ST6GAL1: variants seen among roughly 807,000 people sequenced by gnomAD.
ST6GAL1 encodes the protein ST6 beta-galactoside alpha-2,6-sialyltransferase 1.
ST6GAL1 carries 20 observed loss-of-function variants against 38.0 expected under a neutral mutation model. The observed-to-expected ratio is 0.53, with a 90% CI of 0.37 to 0.77. ST6GAL1 has a LOEUF of 0.77. Ranked by LOEUF, ST6GAL1 falls within the 30% of genes least tolerant of loss-of-function variation. The pLI is 0.00. For missense variants in ST6GAL1, 432 were observed against 496.4 expected (o/e 0.87, Z 1.23); for synonymous variants, 196 against 188.2 (o/e 1.04, Z -0.34).
intron 2 of ST6GAL1, among the ~76,000 whole-genome samples, chr3:187,017,792 C>T (rs1328047644): frequency 1.3e-5 from 2 of 152,166 alleles, no homozygotes; most frequent in African/African-American, 2.4e-5. Context: ...TTGGAAAGAA[C>T]GGCCGCCTGG....
chr3:186,987,435 G>A (rs2108542720), intron 2 of ST6GAL1, among the ~76,000 whole-genome samples: 1 of 152,298 alleles, frequency 6.6e-6, no homozygotes, highest in East Asian at 1.9e-4. Context: ...ACAAGCCTTT[G>A]GGGGAGAAAA....
At chr3:187,047,495 AT>A (rs1718340222) in intron 4 of ST6GAL1, among the ~76,000 whole-genome samples, 1 of 152,076 alleles carries the variant, frequency 6.6e-6, no homozygotes, top group Non-Finnish European at 1.5e-5. Context: ...ATTCTGTTGA[AT>A]TTTCTAAGCG....
At chr3:186,971,390 G>GC (rs888577765) in intron 2 of ST6GAL1, among the ~76,000 whole-genome samples, 10 of 152,294 alleles carry the variant, frequency 6.6e-5, no homozygotes, top group East Asian at 1.9e-4. Flanking sequence ...GAGCCACTGT[G>GC]CCCCCCCAAC....
chr3:187,017,453 C>T (rs1717153243), intron 2 of ST6GAL1, among the ~76,000 whole-genome samples: 1 of 150,560 alleles, frequency 6.6e-6, no homozygotes, highest in Non-Finnish European at 1.5e-5. Flanking sequence ...TCACCTACAC[C>T]ACTCACCTTC....
intron 2 of ST6GAL1, among the ~76,000 whole-genome samples, chr3:187,022,337 G>C (rs563944722): frequency 1.3e-5 from 2 of 152,056 alleles, no homozygotes; most frequent in African/African-American, 4.8e-5. Context: ...GCTACAGAGA[G>C]TTTTCCCTAC....
At chr3:186,948,845 C>A (rs1228291034) in intron 1 of ST6GAL1, 1 of 152,584 alleles carries the variant, frequency 6.6e-6, no homozygotes, top group East Asian at 1.9e-4. Context: ...TGACTGGTTT[C>A]TCTGCACAGC....
chr3:186,984,803 CCAT>C (rs1560151114), intron 2 of ST6GAL1, among the ~76,000 whole-genome samples: 1 of 35,580 alleles, frequency 2.8e-5, no homozygotes, highest in Non-Finnish European at 5.6e-5. Context: ...TTCCTTCCTT[CCAT>C]CCTTCCTTCC....
intron 1 of ST6GAL1, chr3:186,931,062 T>G (rs1713727336): frequency 6.6e-6 from 1 of 152,260 alleles, no homozygotes; most frequent in South Asian, 2.1e-4. Context: ...GGCTTCTCTC[T>G]GGCTCCGCGA....
chr3:187,055,346 A>G (rs1035981928), intron 5 of ST6GAL1, among the ~76,000 whole-genome samples: 14 of 151,460 alleles, frequency 9.2e-5, no homozygotes, highest in Admixed American at 2.6e-4. Flanking sequence ...GCCTTCTGCT[A>G]GCTTTTGAAT....
At chr3:186,969,023 T>C (rs889191818) in intron 2 of ST6GAL1, among the ~76,000 whole-genome samples, 2 of 150,490 alleles carry the variant, frequency 1.3e-5, no homozygotes, top group Non-Finnish European at 2.9e-5. Context: ...TATCTTTTTC[T>C]TTTTCTTTTT....
At position 186,958,952 on chromosome 3, in the gene ST6GAL1, CAA is replaced by C. The variant is rs58963193; in HGVS notation, c.-324-4819_-324-4818del. 7.2e-3 allele frequency among the ~76,000 whole-genome samples: 802 copies of C among 112,068 alleles called. 4 individuals carry two copies. Among genetic ancestry groups the C allele is most frequent in the Admixed American group, 0.011 (116 of 10,716 alleles). 73.5% of individuals were successfully genotyped at this position (112,068 alleles called of 152,430 possible). On this transcript the variant is annotated intron_variant, in intron 1 of 7. Coordinates refer to ENST00000169298, the MANE Select transcript of ST6GAL1 (RefSeq NM_173216.2). Reference sequence around the variant, plus strand: ...AGGGTGACAGAGCGAGACTCCATCTCAAAAAAAAAAAAAAATTAAATAAATAA... The same window carrying C: ...AGGGTGACAGAGCGAGACTCCATCTCAAAAAAAAAAAAATTAAATAAATAA...
intron 5 of ST6GAL1, among the ~76,000 whole-genome samples, chr3:187,057,835 G>C (rs1449578715): frequency 6.6e-6 from 1 of 152,218 alleles, no homozygotes; most frequent in Non-Finnish European, 1.5e-5. Context: ...AGAGCTGTCA[G>C]ACAGGGACGT....
At chr3:186,986,125 G>T in intron 2 of ST6GAL1, among the ~76,000 whole-genome samples, 1 of 152,194 alleles carries the variant, frequency 6.6e-6, no homozygotes, top group Non-Finnish European at 1.5e-5. Context: ...AAGAGACCCC[G>T]CCATAAGGAA....
At chr3:186,960,143 C>T (rs140538799) in intron 1 of ST6GAL1, among the ~76,000 whole-genome samples, 51 of 152,348 alleles carry the variant, frequency 3.3e-4, no homozygotes, top group African/African-American at 1.2e-3. Context: ...TGGTGCCTCA[C>T]ACATGGTACA....
In ST6GAL1 at chr3:187,075,792, A is replaced by G; in HGVS notation, c.1210A>G (p.Ile404Val). 1 of 1,614,194 alleles carries G rather than the reference A, an allele frequency of 6.2e-7. No individual in the cohort carries two copies. The highest frequency in any genetic ancestry group is 2.2e-5 in the East Asian group (1 of 44,892). The change falls in exon 8 of 8, where the codon ATT becomes GTT. Residue 404 changes from isoleucine to valine, a missense_variant. Physicochemically the swap from Ile to Val is conservative, Grantham distance 29. Transcript: ENST00000169298. The surrounding 1 kb of genome is among the most constrained non-coding windows in gnomAD (Gnocchi z 4.1). ...GKATLPGFRTIHC is the reference protein window; with the variant it reads ...GKATLPGFRTVHC ...AGCCACACTGCCTGGCTTCCGGACC[A>G]TTCACTGCTAAGCACAGGCTCCTCA... is the stretch of plus-strand genomic sequence containing the variant.
intron 2 of ST6GAL1, among the ~76,000 whole-genome samples, chr3:186,973,554 G>A (rs1715423349): frequency 6.6e-6 from 1 of 152,180 alleles, no homozygotes; most frequent in Admixed American, 6.5e-5. Context: ...AGGGGTGTCT[G>A]GGAAAGAGAG....
chr3:187,014,997 T>TA (rs1166603160), intron 2 of ST6GAL1, among the ~76,000 whole-genome samples: 1 of 152,186 alleles, frequency 6.6e-6, no homozygotes, highest in Non-Finnish European at 1.5e-5. Context: ...ATTCCACGAA[T>TA]AAAAGGCAGT....
At chr3:187,004,669 T>C (rs1030354615) in intron 2 of ST6GAL1, among the ~76,000 whole-genome samples, 1 of 152,250 alleles carries the variant, frequency 6.6e-6, no homozygotes, top group Non-Finnish European at 1.5e-5. Context: ...CAGTACCAGA[T>C]GCCATTATGC....
intron 1 of ST6GAL1, among the ~76,000 whole-genome samples, chr3:186,946,878 A>G (rs1714389816): frequency 6.6e-6 from 1 of 152,164 alleles, no homozygotes; most frequent in Admixed American, 6.6e-5. Flanking sequence ...TCAGTTATGC[A>G]AACACCTCAC....
Sources: gnomAD v4.1 joint callset for allele counts (sites outside exome capture counted in the v4.1 genomes callset) on GRCh38, gnomAD v4.1.1 for gene constraint, Gnocchi (gnomAD v3.1) non-coding constraint, MANE v1.5 for transcripts, NCBI Gene and HGNC (gene_info 2026-07-23, HGNC 2026-07-21) for gene names.